Variants in GRM8 observed in about 807,000 individuals in gnomAD.
GRM8 encodes the protein metabotropic glutamate receptor 8.
GRM8 carries 47 observed loss-of-function variants against 87.2 expected under a neutral mutation model. The observed-to-expected ratio is 0.54, with a 90% CI of 0.43 to 0.69. The LOEUF (loss-of-function observed/expected upper bound fraction) is 0.69. Ranked by LOEUF, GRM8 falls within the 30% of genes least tolerant of loss-of-function variation. The probability of loss-of-function intolerance (pLI) is 0.00; values close to 1 mark genes in which losing one functional copy is unlikely to be tolerated. For synonymous variants in GRM8, 396 were observed against 404.5 expected, an observed-to-expected ratio of 0.98 and a Z score of 0.25; for missense variants, 1,019 against 1,139.2, an observed-to-expected ratio of 0.89 and a Z score of 1.52.
At chr7:127,024,705 G>A (rs968453489) in intron 3 of GRM8, among the ~76,000 whole-genome samples, 2 of 151,932 alleles carry the variant, frequency 1.3e-5, no homozygotes, top group African/African-American at 4.8e-5. Flanking sequence ...TCCCTCCTTC[G>A]AGTCACACTG....
At chr7:126,718,353 AGTGTTT>A (rs1421769336) in intron 7 of GRM8, among the ~76,000 whole-genome samples, 2 of 152,132 alleles carry the variant, frequency 1.3e-5, no homozygotes, top group Non-Finnish European at 2.9e-5. Context: ...AGTGACCAAG[AGTGTTT>A]ATACCTGACT....
chr7:127,161,065 G>A (rs903347107), intron 2 of GRM8, among the ~76,000 whole-genome samples: 4 of 152,106 alleles, frequency 2.6e-5, no homozygotes, highest in African/African-American at 9.7e-5. Flanking sequence ...GTACTGTTCC[G>A]AGTTGCTTAA....
At chr7:126,455,705 TG>T (rs1351265448) in intron 9 of GRM8, among the ~76,000 whole-genome samples, 14 of 151,830 alleles carry the variant, frequency 9.2e-5, no homozygotes, top group African/African-American at 3.4e-4. Flanking sequence ...GAAAAGTCTC[TG>T]ATGAACCACT....
At chr7:127,030,331 G>T (rs1441575549) in intron 3 of GRM8, among the ~76,000 whole-genome samples, 1 of 144,626 alleles carries the variant, frequency 6.9e-6, no homozygotes, top group Non-Finnish European at 1.5e-5. Flanking sequence ...ATACTGACTG[G>T]TGCAGGTGGG....
chr7:126,904,209 G>C, intron 4 of GRM8, 83 bp from the exon 5 acceptor site: 4 of 1,133,516 alleles, frequency 3.5e-6, no homozygotes, highest in Non-Finnish European at 5.2e-6. Context: ...GATTTAGGAA[G>C]TTGTATACAC....
chr7:126,856,248 T>C (rs1471916741), intron 6 of GRM8, among the ~76,000 whole-genome samples: 1 of 152,190 alleles, frequency 6.6e-6, no homozygotes, highest in East Asian at 1.9e-4. Flanking sequence ...AATATTTCCA[T>C]CCAGTGCATC....
At chr7:126,772,679 T>C (rs1340563249) in intron 6 of GRM8, among the ~76,000 whole-genome samples, 3 of 152,120 alleles carry the variant, frequency 2.0e-5, no homozygotes, top group African/African-American at 4.8e-5. Flanking sequence ...TTTCATGATA[T>C]GCACACCCCG....
chr7:127,078,007 A>G (rs981424443), intron 3 of GRM8, among the ~76,000 whole-genome samples: 3 of 152,254 alleles, frequency 2.0e-5, no homozygotes, highest in Non-Finnish European at 2.9e-5. Flanking sequence ...AGGTCCTACA[A>G]CAGCAAATTA....
chr7:126,590,299 G>GT (rs1479401974), intron 8 of GRM8, among the ~76,000 whole-genome samples: 1 of 151,640 alleles, frequency 6.6e-6, no homozygotes, highest in Non-Finnish European at 1.5e-5. Context: ...CAAAGACAAG[G>GT]TTTTTGAAAT....
intron 7 of GRM8, among the ~76,000 whole-genome samples, chr7:126,713,144 C>T (rs752455516): frequency 2.6e-5 from 4 of 152,022 alleles, no homozygotes; most frequent in East Asian, 1.9e-4. Context: ...GACACATGCA[C>T]GTGAATGTTT....
chr7:127,151,281 C>T (rs1470340519), intron 2 of GRM8, among the ~76,000 whole-genome samples: 1 of 152,072 alleles, frequency 6.6e-6, no homozygotes, highest in African/African-American at 2.4e-5. Flanking sequence ...ACATGACACA[C>T]TTCAATAAAC....
intron 3 of GRM8, among the ~76,000 whole-genome samples, chr7:127,023,224 T>A (rs983808366): frequency 6.6e-6 from 1 of 152,144 alleles, no homozygotes; most frequent in African/African-American, 2.4e-5. Context: ...TATAAAACGT[T>A]GTTTATTCAT....
At chr7:126,612,709 C>T (rs1172200880) in intron 7 of GRM8, among the ~76,000 whole-genome samples, 1 of 152,184 alleles carries the variant, frequency 6.6e-6, no homozygotes, top group Non-Finnish European at 1.5e-5. Context: ...TATCTATTAT[C>T]TTTGTAAGCA....
chr7:126,763,612 G>C lies in GRM8; in HGVS notation c.1357+6253C>G, dbSNP rs137866028. Among the ~76,000 whole-genome samples the C allele has an allele frequency of 2.7e-3, 402 of 151,574 alleles. 4 individuals carry two copies. The highest frequency in any genetic ancestry group is 8.8e-3 in the African/African-American group (363 of 41,434). On this transcript the variant is annotated intron_variant, in intron 7 of 10. Transcript: ENST00000339582. ...GTTTCATACTGGATTGATTATTGTA[G>C]TTTATCACATGTCTATTCTGGTATT...
At chr7:126,872,315 G>T (rs1389285428) in intron 6 of GRM8, among the ~76,000 whole-genome samples, 1 of 152,090 alleles carries the variant, frequency 6.6e-6, no homozygotes, top group African/African-American at 2.4e-5. Flanking sequence ...CGTTTGAGAA[G>T]CTGGAGGACA....
At chr7:127,245,318 G>C (rs1043066878) in intron 1 of GRM8, among the ~76,000 whole-genome samples, 1 of 152,190 alleles carries the variant, frequency 6.6e-6, no homozygotes, top group African/African-American at 2.4e-5. Context: ...GCCGACCCTT[G>C]TTCTGACAGA....
intron 3 of GRM8, among the ~76,000 whole-genome samples, chr7:127,062,532 C>A (rs1193816665): frequency 6.6e-6 from 1 of 152,088 alleles, no homozygotes; most frequent in East Asian, 1.9e-4. Context: ...ATGTTTTCAG[C>A]AAAATAAATG....
At chr7:126,803,342 G>C (rs897786357) in intron 6 of GRM8, among the ~76,000 whole-genome samples, 2 of 152,178 alleles carry the variant, frequency 1.3e-5, no homozygotes, top group Admixed American at 1.3e-4. Context: ...CTCTCCCTAA[G>C]ATGTCTAGTT....
chr7:126,744,297 T>G (rs552946326), intron 7 of GRM8, among the ~76,000 whole-genome samples: 6 of 152,152 alleles, frequency 3.9e-5, no homozygotes, highest in African/African-American at 1.4e-4. Flanking sequence ...CTTGGGTGTT[T>G]GGAAGATTTT....
Sources: gnomAD v4.1 joint callset for allele counts (sites outside exome capture counted in the v4.1 genomes callset) on GRCh38, gnomAD v4.1.1 for gene constraint, MANE v1.5 for transcripts, NCBI Gene and HGNC (gene_info 2026-07-23, HGNC 2026-07-21) for gene names.